NKAIN2: variants seen among roughly 807,000 people sequenced by gnomAD.
The protein encoded by NKAIN2 is sodium/potassium-transporting ATPase subunit beta-1-interacting protein 2.
Under a neutral mutation model 32.6 loss-of-function variants are expected in NKAIN2, and 14 were observed. The observed-to-expected ratio is 0.43, with a 90% confidence interval of 0.28 to 0.67. NKAIN2 has a LOEUF of 0.67. Among genes scored for constraint, NKAIN2 ranks in the 30% least tolerant of loss-of-function variants. The probability of loss-of-function intolerance (pLI) is 0.17; values close to 1 mark genes in which losing one functional copy is unlikely to be tolerated. For synonymous variants in NKAIN2, 80 were observed against 87.2 expected, an observed-to-expected ratio of 0.92 and a Z score of 0.46; for missense variants, 198 against 258.3, an observed-to-expected ratio of 0.77 and a Z score of 1.60.
chr6:124,438,706 C>T (rs1775565108), intron 3 of NKAIN2, among the ~76,000 whole-genome samples: 1 of 152,114 alleles, frequency 6.6e-6, no homozygotes, highest in Admixed American at 6.6e-5. Context: ...GATGATATTA[C>T]CAATGGCCTC....
intron 3 of NKAIN2, chr6:124,490,432 A>G: frequency 4.1e-6 from 1 of 244,196 alleles, no homozygotes; most frequent in Non-Finnish European, 7.7e-6. Context: ...TTTTTTTTTA[A>G]GAATTCTTGT....
intron 1 of NKAIN2, among the ~76,000 whole-genome samples, chr6:123,960,982 T>C (rs1777818929): frequency 6.6e-6 from 1 of 151,992 alleles, no homozygotes; most frequent in African/African-American, 2.4e-5. Flanking sequence ...AAAAAAAATA[T>C]ATGAATAGAC....
intron 1 of NKAIN2, among the ~76,000 whole-genome samples, chr6:124,247,243 C>T (rs1396172362): frequency 6.6e-6 from 1 of 151,946 alleles, no homozygotes; most frequent in African/African-American, 2.4e-5. Flanking sequence ...ATTGTGCCAC[C>T]CCTGTGATGT....
intron 1 of NKAIN2, among the ~76,000 whole-genome samples, chr6:124,004,503 A>T (rs1303185694): frequency 6.6e-6 from 1 of 152,076 alleles, no homozygotes; most frequent in Admixed American, 6.6e-5. Flanking sequence ...AAACCGATCA[A>T]CTGCTTTGTT....
At chr6:124,390,119 G>T (rs899295552) in intron 3 of NKAIN2, among the ~76,000 whole-genome samples, 1 of 152,064 alleles carries the variant, frequency 6.6e-6, no homozygotes, top group Non-Finnish European at 1.5e-5. Context: ...GTGCAAAGTG[G>T]TTTTTCTCTA....
intron 3 of NKAIN2, among the ~76,000 whole-genome samples, chr6:124,419,659 A>C (rs1252713742): frequency 6.6e-6 from 1 of 152,200 alleles, no homozygotes; most frequent in African/African-American, 2.4e-5. Context: ...CCATTCATTG[A>C]GAAACAATAG....
intron 1 of NKAIN2, among the ~76,000 whole-genome samples, chr6:124,209,812 T>C (rs1791081789): frequency 6.6e-6 from 1 of 151,900 alleles, no homozygotes; most frequent in Middle Eastern, 3.2e-3. Flanking sequence ...TATTTTTACC[T>C]ATTGAATAGT....
At chr6:124,435,351 A>G (rs1775395102) in intron 3 of NKAIN2, among the ~76,000 whole-genome samples, 1 of 152,166 alleles carries the variant, frequency 6.6e-6, no homozygotes, top group Non-Finnish European at 1.5e-5. Flanking sequence ...AGATACACTC[A>G]TAAGTTTCCA....
chr6:123,927,918 G>T (rs898974415), intron 1 of NKAIN2, among the ~76,000 whole-genome samples: 1 of 152,166 alleles, frequency 6.6e-6, no homozygotes, highest in Non-Finnish European at 1.5e-5. Flanking sequence ...TCTACCTACA[G>T]TGGTGGCTGG....
At chr6:123,912,892 A>C (rs1446320843) in intron 1 of NKAIN2, among the ~76,000 whole-genome samples, 1 of 136,026 alleles carries the variant, frequency 7.4e-6, no homozygotes, top group East Asian at 2.1e-4. Flanking sequence ...ATTCTATTAA[A>C]GAATCCATTA....
chr6:124,342,042 A>T (rs1320466725), intron 2 of NKAIN2, among the ~76,000 whole-genome samples: 3 of 152,146 alleles, frequency 2.0e-5, no homozygotes, highest in African/African-American at 7.2e-5. Context: ...ACTTTGTACA[A>T]ACGGTAAATA....
chr6:123,924,503 T>C (rs1272864156), intron 1 of NKAIN2, among the ~76,000 whole-genome samples: 1 of 152,254 alleles, frequency 6.6e-6, no homozygotes, highest in African/African-American at 2.4e-5. Flanking sequence ...TTATAATCTA[T>C]ACAGAATTAT....
intron 2 of NKAIN2, among the ~76,000 whole-genome samples, chr6:124,289,859 G>GA: frequency 6.6e-6 from 1 of 152,038 alleles, no homozygotes; most frequent in East Asian, 1.9e-4. Flanking sequence ...TTTTCTAGGA[G>GA]AAAAAAATAT....
intron 1 of NKAIN2, among the ~76,000 whole-genome samples, chr6:124,011,902 T>C (rs1431864482): frequency 6.6e-6 from 1 of 152,172 alleles, no homozygotes; most frequent in Non-Finnish European, 1.5e-5. Context: ...CCCATGATTA[T>C]GAACATCAAT....
At chr6:124,168,972 T>G (rs1010223799) in intron 1 of NKAIN2, among the ~76,000 whole-genome samples, 6 of 152,298 alleles carry the variant, frequency 3.9e-5, no homozygotes, top group Middle Eastern at 3.4e-3. Flanking sequence ...TATATTTTAG[T>G]AAAGCTAGTT....
intron 3 of NKAIN2, among the ~76,000 whole-genome samples, chr6:124,533,254 G>C (rs1779591239): frequency 2.0e-5 from 3 of 151,880 alleles, no homozygotes; most frequent in Non-Finnish European, 4.4e-5. Flanking sequence ...AAAAATTCCT[G>C]CTGCTTGGAG....
rs189423296 is a variant in NKAIN2 at position 124,808,427 on chromosome 6, T to G, written c.536-9960T>G. Among the ~76,000 whole-genome samples, 3 of 152,276 alleles carry G rather than the reference T, an allele frequency of 2.0e-5. No homozygotes were observed. In the East Asian group the frequency reaches 5.8e-4, roughly 29 times the overall value. On this transcript the variant is annotated intron_variant, in intron 5 of 6. Coordinates refer to ENST00000368417, the MANE Select transcript of NKAIN2 (RefSeq NM_001040214.3). ...ATGCAGAAAAGGCCTTTGACAAAATTCAACAACGCTTCATGCTAAAAACTC... is the reference window on the plus strand; with the variant it reads ...ATGCAGAAAAGGCCTTTGACAAAATGCAACAACGCTTCATGCTAAAAACTC...
intron 3 of NKAIN2, among the ~76,000 whole-genome samples, chr6:124,649,882 C>G (rs375678589): frequency 6.6e-6 from 1 of 152,096 alleles, no homozygotes; most frequent in East Asian, 1.9e-4. Context: ...AGATGTACAT[C>G]GTATCAATAG....
chr6:124,378,328 G>C (rs950189366), intron 3 of NKAIN2, among the ~76,000 whole-genome samples: 5 of 152,100 alleles, frequency 3.3e-5, no homozygotes, highest in African/African-American at 9.7e-5. Context: ...AAGCTACCCA[G>C]GGTGTGAAGA....
Sources: gnomAD v4.1 joint callset for allele counts (sites outside exome capture counted in the v4.1 genomes callset) on GRCh38, gnomAD v4.1.1 for gene constraint, MANE v1.5 for transcripts, NCBI Gene and HGNC (gene_info 2026-07-23, HGNC 2026-07-21) for gene names.